The following GSAP variants were observed in gnomAD, a reference collection of about 807,000 sequenced individuals.
GSAP encodes gamma-secretase-activating protein.
Under a neutral mutation model 131.7 loss-of-function variants are expected in GSAP, and 118 were observed. That is an observed-to-expected ratio of 0.90 (90% confidence interval 0.77 to 1.04). The LOEUF (loss-of-function observed/expected upper bound fraction) is 1.04, where lower values mean the gene tolerates loss of function less well. Among genes scored for constraint, GSAP ranks in the 50% least tolerant of loss-of-function variants. GSAP has a pLI of 0.00. For missense variants in GSAP, 1,019 were observed against 1,013.2 expected, an observed-to-expected ratio of 1.01 and a Z score of -0.08; for synonymous variants, 381 against 363.4, an observed-to-expected ratio of 1.05 and a Z score of -0.55.
intron 19 of GSAP, among the ~76,000 whole-genome samples, chr7:77,334,363 A>T (rs1032156113): frequency 6.7e-4 from 102 of 151,916 alleles, no homozygotes; most frequent in Admixed American, 9.8e-4. Flanking sequence ...TATAAGTAGG[A>T]GCTGAACAAT....
At chr7:77,397,674 C>A (rs1267800048) in intron 3 of GSAP, among the ~76,000 whole-genome samples, 1 of 152,144 alleles carries the variant, frequency 6.6e-6, no homozygotes, top group African/African-American at 2.4e-5. Context: ...ACATTGGAGC[C>A]CAGCTAGATC....
chr7:77,382,543 A>G (rs1797953649), intron 7 of GSAP, 31 bp downstream of exon 7: 2 of 1,152,756 alleles, frequency 1.7e-6, no homozygotes, highest in East Asian at 4.7e-5. Context: ...CATTCATGAA[A>G]TTCCCATATT....
At chr7:77,376,337 T>C (rs1796851380) in intron 10 of GSAP, among the ~76,000 whole-genome samples, 1 of 152,230 alleles carries the variant, frequency 6.6e-6, no homozygotes. Flanking sequence ...TGGTGTGTGT[T>C]CTTCTAATGA....
Position 77,321,320 on chromosome 7 carries a change from A to C in GSAP, c.1994+13T>G. On this transcript the variant is annotated intron_variant, in intron 25 of 30. Coordinates refer to ENST00000257626, the MANE Select transcript of GSAP (RefSeq NM_017439.4). ...TTTGTACACCATGATAAAAGTGAGA[A>C]ATACTTGCGTACAAGTGGAGAACCC... The C allele has an allele frequency of 2.6e-6, 4 of 1,525,048 alleles. No individual in the cohort carries two copies. The highest frequency in any genetic ancestry group is 3.6e-6 in the Non-Finnish European group (4 of 1,098,820). 94.5% of individuals were successfully genotyped at this position (1,525,048 alleles called of 1,614,324 possible).
intron 27 of GSAP, among the ~76,000 whole-genome samples, chr7:77,313,850 A>C (rs982768041): frequency 3.3e-5 from 5 of 152,266 alleles, no homozygotes; most frequent in African/African-American, 1.2e-4. Context: ...GAATAATTTG[A>C]GTGATTATAC....
intron 23 of GSAP, among the ~76,000 whole-genome samples, chr7:77,324,480 G>C (rs1472472394): frequency 6.6e-6 from 1 of 152,140 alleles, no homozygotes; most frequent in Non-Finnish European, 1.5e-5. Flanking sequence ...AACAGCCCAA[G>C]GGAGTTGTAC....
chr7:77,347,522 G>A (rs1190768699), intron 19 of GSAP, among the ~76,000 whole-genome samples: 1 of 152,118 alleles, frequency 6.6e-6, no homozygotes, highest in African/African-American at 2.4e-5. Flanking sequence ...TATTGTTGCA[G>A]TGTGAGAGAG....
intron 6 of GSAP, among the ~76,000 whole-genome samples, chr7:77,386,435 C>G (rs1298650758): frequency 6.6e-6 from 1 of 152,128 alleles, no homozygotes; most frequent in Non-Finnish European, 1.5e-5. Context: ...ATGATCCAAA[C>G]CCAAACAAGG....
intron 3 of GSAP, among the ~76,000 whole-genome samples, chr7:77,402,946 G>A (rs968685115): frequency 2.0e-5 from 3 of 152,148 alleles, no homozygotes; most frequent in African/African-American, 7.2e-5. Flanking sequence ...TATCAATCCA[G>A]TGAAAAACAT....
intron 5 of GSAP, among the ~76,000 whole-genome samples, chr7:77,395,429 A>T (rs1800206705): frequency 1.3e-5 from 2 of 152,092 alleles, no homozygotes. Flanking sequence ...TCAGAACACT[A>T]ATGTCCCAGA....
Position 77,311,653 on chromosome 7 carries a change from A to ACTT in GSAP, c.2473+185_2473+187dup, listed in dbSNP as rs1794370805. The ACTT allele has an allele frequency of 4.3e-5, 25 of 587,186 alleles. 1 individual carries two copies. In the South Asian group the frequency reaches 5.4e-4, roughly 13 times the overall value. 36.4% of individuals were successfully genotyped at this position (587,186 alleles called of 1,614,324 possible). On this transcript the variant is annotated intron_variant, in intron 30 of 30. Coordinates refer to ENST00000257626, the MANE Select transcript of GSAP (RefSeq NM_017439.4). Reference sequence around the variant, plus strand: ...CTTTAAACCTCTTGACTCTTTTAAAACTTCAGAGGTGATTATTTGGTAATT... The same window carrying ACTT: ...CTTTAAACCTCTTGACTCTTTTAAAACTTCTTCAGAGGTGATTATTTGGTAATT...
chr7:77,355,154 A>G (rs2150870042), intron 16 of GSAP, 59 bp downstream of exon 16: 1 of 1,120,228 alleles, frequency 8.9e-7, no homozygotes, highest in East Asian at 2.4e-5. Context: ...TTCAACCACA[A>G]AATAAATATG....
chr7:77,362,651 C>T lies in GSAP; in HGVS notation c.881G>A (p.Cys294Tyr), dbSNP rs746671704. 1 of 1,558,594 alleles carries T rather than the reference C, an allele frequency of 6.4e-7. No homozygotes were observed. Among genetic ancestry groups the T allele is most frequent in the South Asian group, 1.1e-5 (1 of 89,648 alleles). Residue 294 changes from cysteine (C) to tyrosine (Y), a missense_variant, in exon 13 of 31, where the codon TGT becomes TAT. Cys to Tyr is a radical substitution (Grantham distance 194). Coordinates refer to ENST00000257626, the MANE Select transcript of GSAP (RefSeq NM_017439.4). ...CVFTNHTGSLCVCYSPKCASW... is the reference protein window; with the variant it reads ...CVFTNHTGSLYVCYSPKCASW... ...GGCACACTTCGGGCTGTAACATACA[C>T]ACAAACTTCCTAGAAGAAAAAGGAT...
intron 1 of GSAP, among the ~76,000 whole-genome samples, chr7:77,410,274 AC>A (rs1381401136): frequency 2.6e-5 from 4 of 152,208 alleles, no homozygotes; most frequent in Non-Finnish European, 5.9e-5. Flanking sequence ...TGTGAAATAG[AC>A]AAATTTGGTA....
intron 10 of GSAP, 144 bp downstream of exon 10, chr7:77,376,704 G>A: frequency 1.9e-6 from 1 of 527,966 alleles, no homozygotes. Context: ...GTGAACCCAG[G>A]AGGCAGAGCT....
intron 24 of GSAP, 152 bp from the exon 25 acceptor site, chr7:77,321,555 A>C: frequency 3.2e-6 from 2 of 620,078 alleles, no homozygotes; most frequent in Admixed American, 5.6e-5. Context: ...GTCAATTCTG[A>C]AGCACTGAAC....
At chr7:77,317,894 G>C (rs1365012827) in intron 26 of GSAP, among the ~76,000 whole-genome samples, 1 of 152,052 alleles carries the variant, frequency 6.6e-6, no homozygotes, top group Non-Finnish European at 1.5e-5. Context: ...TATTCCATTG[G>C]GATAATTTTA....
At chr7:77,371,797 A>T (rs1377446473) in intron 12 of GSAP, among the ~76,000 whole-genome samples, 2 of 152,208 alleles carry the variant, frequency 1.3e-5, no homozygotes, top group African/African-American at 4.8e-5. Flanking sequence ...TAATCATGTT[A>T]CTGCCTGCAC....
At chr7:77,408,650 G>A (rs1313498718) in intron 1 of GSAP, among the ~76,000 whole-genome samples, 10 of 140,482 alleles carry the variant, frequency 7.1e-5, no homozygotes, top group East Asian at 4.1e-4. Context: ...GCAATGAGCC[G>A]GGATTGAGCC....
Sources: gnomAD v4.1 joint callset for allele counts (sites outside exome capture counted in the v4.1 genomes callset) on GRCh38, gnomAD v4.1.1 for gene constraint, MANE v1.5 for transcripts, NCBI Gene and HGNC (gene_info 2026-07-23, HGNC 2026-07-21) for gene names.